Variants in FAM222B observed in about 807,000 individuals in gnomAD.
The protein encoded by FAM222B is family with sequence similarity 222 member B, also known as protein FAM222B.
Under a neutral mutation model 38.0 loss-of-function variants are expected in FAM222B, and 12 were observed. The observed-to-expected ratio is 0.32, with a 90% confidence interval of 0.20 to 0.51. The LOEUF is 0.51. FAM222B is among the 20% of genes least tolerant of loss of function. The probability of loss-of-function intolerance (pLI) is 0.97; values close to 1 mark genes in which losing one functional copy is unlikely to be tolerated. For synonymous variants in FAM222B, 329 were observed against 317.2 expected, an observed-to-expected ratio of 1.04 and a Z score of -0.40; for missense variants, 716 against 754.2, an observed-to-expected ratio of 0.95 and a Z score of 0.59.
chr17:28,831,258 T>C (rs1182460923), intron 1 of FAM222B, among the ~76,000 whole-genome samples: 3 of 152,212 alleles, frequency 2.0e-5, no homozygotes, highest in Non-Finnish European at 4.4e-5. Context: ...CCTCCCAAAG[T>C]GCTGGGATTA....
chr17:28,821,408 C>CT (rs2038214186), intron 1 of FAM222B, among the ~76,000 whole-genome samples: 1 of 152,172 alleles, frequency 6.6e-6, no homozygotes, highest in African/African-American at 2.4e-5. Flanking sequence ...TTATATCACA[C>CT]TTTAACTTGC....
chr17:28,763,605 A>T (rs1255512195), intron 2 of FAM222B, among the ~76,000 whole-genome samples: 2 of 152,256 alleles, frequency 1.3e-5, no homozygotes, highest in Non-Finnish European at 2.9e-5. Context: ...CTGTAGGCAG[A>T]GAGGCACAGG....
intron 1 of FAM222B, among the ~76,000 whole-genome samples, chr17:28,806,255 A>G (rs796992256): frequency 2.6e-5 from 4 of 152,246 alleles, no homozygotes; most frequent in African/African-American, 9.6e-5. Flanking sequence ...AGACTTTTCA[A>G]AGATCAGGAA....
intron 1 of FAM222B, among the ~76,000 whole-genome samples, chr17:28,851,840 A>G (rs1294533673): frequency 6.7e-6 from 1 of 148,308 alleles, no homozygotes; most frequent in East Asian, 2.0e-4. Flanking sequence ...GCACCACTGC[A>G]CTCCAGCCTG....
intron 1 of FAM222B, among the ~76,000 whole-genome samples, chr17:28,788,405 ATT>A (rs1160283214): frequency 6.6e-6 from 1 of 151,900 alleles, no homozygotes; most frequent in Non-Finnish European, 1.5e-5. Flanking sequence ...CATGTGGCTA[ATT>A]TTTTTGTTTT....
At position 28,837,173 on chromosome 17, in the gene FAM222B, G is replaced by A. The variant is rs533813868; in HGVS notation, c.-41+5509C>T. On this transcript the variant is annotated intron_variant, in intron 1 of 2. Coordinates refer to ENST00000581407, the MANE Select transcript of FAM222B (RefSeq NM_001077498.3). ...AGGCCAGGTGCGGTGGCTCACGCCT[G>A]TAATCCCTGCACTTTGGAAGGCTGA... 4.6e-5 allele frequency among the ~76,000 whole-genome samples: 7 copies of A among 152,104 alleles called. No homozygotes were observed. In the East Asian group the frequency reaches 1.4e-3, roughly 29 times the overall value.
chr17:28,833,046 G>A (rs2152616235), intron 1 of FAM222B, among the ~76,000 whole-genome samples: 1 of 150,440 alleles, frequency 6.6e-6, no homozygotes, highest in African/African-American at 2.4e-5. Flanking sequence ...AAAGGGGCCA[G>A]GCACGGTGAC....
chr17:28,781,313 C>A (rs1371837187), intron 1 of FAM222B, among the ~76,000 whole-genome samples: 5 of 151,638 alleles, frequency 3.3e-5, no homozygotes, highest in Non-Finnish European at 5.9e-5. Context: ...AACAAAAAAC[C>A]AAAAACAAAC....
rs972155727 is a variant in FAM222B at position 28,757,269 on chromosome 17, T to A, written c.*1001A>T. 9.8e-5 allele frequency: 15 copies of A among 152,478 alleles called. No individual in the cohort carries two copies. Among genetic ancestry groups the A allele is most frequent in the Non-Finnish European group, 1.9e-4 (13 of 68,010 alleles). The allele number at this position is 152,478 out of a possible 1,614,324, so 9.4% of individuals were successfully genotyped here. Reference sequence around the variant, plus strand: ...AGGGTGAATGTACCTGTGGGGCCACTCACACACAATGCTACTCAAACCCAC... The same window carrying A: ...AGGGTGAATGTACCTGTGGGGCCACACACACACAATGCTACTCAAACCCAC... On this transcript the variant is annotated 3_prime_UTR_variant, in exon 3 of 3. Coordinates refer to ENST00000581407, the MANE Select transcript of FAM222B (RefSeq NM_001077498.3).
chr17:28,794,642 G>T (rs1192209357), intron 1 of FAM222B, among the ~76,000 whole-genome samples: 1 of 152,052 alleles, frequency 6.6e-6, no homozygotes, highest in African/African-American at 2.4e-5. Flanking sequence ...ACTTTTCAGG[G>T]TAACCTTCAA....
upstream of FAM222B, among the ~76,000 whole-genome samples, chr17:28,843,671 C>T (rs2039114816): frequency 6.6e-6 from 1 of 152,070 alleles, no homozygotes; most frequent in African/African-American, 2.4e-5. Context: ...TGGTCTCGAA[C>T]TCCTGACCTC....
upstream of FAM222B, among the ~76,000 whole-genome samples, chr17:28,845,739 C>CA (rs2039141138): frequency 7.0e-6 from 1 of 143,532 alleles, no homozygotes. Context: ...ACTAAAAATA[C>CA]AAAAAATTAG....
chr17:28,845,980 G>T (rs186599262), upstream of FAM222B, among the ~76,000 whole-genome samples: 1 of 149,684 alleles, frequency 6.7e-6, no homozygotes, highest in Non-Finnish European at 1.5e-5. Context: ...AAGGCGGGTG[G>T]ATCACGAGGT....
At chr17:28,835,436 A>G (rs12051729) in intron 1 of FAM222B, among the ~76,000 whole-genome samples, 9,671 of 152,170 alleles carry the variant, frequency 0.064, 881 homozygotes, top group African/African-American at 0.2. Flanking sequence ...ATATTTGCTG[A>G]AGTTGACTGC....
chr17:28,803,484 A>G (rs2037333410), intron 1 of FAM222B, among the ~76,000 whole-genome samples: 1 of 151,574 alleles, frequency 6.6e-6, no homozygotes, highest in Admixed American at 6.6e-5. Flanking sequence ...TTTTTTATAG[A>G]GAGGGTCTCA....
intron 1 of FAM222B, among the ~76,000 whole-genome samples, chr17:28,815,250 G>A (rs2037974907): frequency 6.7e-6 from 1 of 148,568 alleles, no homozygotes; most frequent in African/African-American, 2.5e-5. Context: ...GTCTCGCTCT[G>A]TCACCCAGGC....
Position 28,780,427 on chromosome 17 carries a change from T to A in FAM222B, c.-40-13720A>T, listed in dbSNP as rs565550504. Among the ~76,000 whole-genome samples the A allele has an allele frequency of 3.8e-4, 58 of 151,752 alleles. 1 individual carries two copies. The South Asian group carries it at 0.011, about 28-fold the overall frequency. On this transcript the variant is annotated intron_variant, in intron 1 of 2. Coordinates refer to ENST00000581407, the MANE Select transcript of FAM222B (RefSeq NM_001077498.3). ...GAACAAATTCAGTTAAGTAGTAGCATAAGGAAATCAATGTATAAAAATCAG... is the reference window on the plus strand; with the variant it reads ...GAACAAATTCAGTTAAGTAGTAGCAAAAGGAAATCAATGTATAAAAATCAG...
At chr17:28,803,641 T>C (rs1439486390) in intron 1 of FAM222B, among the ~76,000 whole-genome samples, 3 of 151,994 alleles carry the variant, frequency 2.0e-5, no homozygotes, top group Admixed American at 6.6e-5. Flanking sequence ...CACCCACATA[T>C]GATGAATTAT....
upstream of FAM222B, among the ~76,000 whole-genome samples, chr17:28,844,440 A>ACT (rs1165142094): frequency 1.3e-5 from 2 of 152,024 alleles, no homozygotes; most frequent in African/African-American, 2.4e-5. Flanking sequence ...CGGGCGGATC[A>ACT]TGAGGTCAGG....
Sources: gnomAD v4.1 joint callset for allele counts (sites outside exome capture counted in the v4.1 genomes callset) on GRCh38, gnomAD v4.1.1 for gene constraint, MANE v1.5 for transcripts, NCBI Gene and HGNC (gene_info 2026-07-23, HGNC 2026-07-21) for gene names.